FLVCR2: variants seen among roughly 807,000 people sequenced by gnomAD.
FLVCR2 encodes the protein FLVCR choline and putative heme transporter 2.
In FLVCR2, 38 loss-of-function variants were observed where a neutral mutation model predicts 48.9. The ratio of observed to expected loss-of-function variants is 0.78; its 90% CI spans 0.60 to 1.02. FLVCR2 has a LOEUF of 1.02. FLVCR2 is among the 50% of genes least tolerant of loss of function. The pLI, the probability that FLVCR2 is intolerant of heterozygous loss-of-function variation, is 0.00. For synonymous variants in FLVCR2, 255 were observed against 257.0 expected, an observed-to-expected ratio of 0.99 and a Z score of 0.07; for missense variants, 664 against 663.3, an observed-to-expected ratio of 1.00 and a Z score of -0.01.
chr14:75,588,504 TAG>T (rs1888804193), intron 1 of FLVCR2, among the ~76,000 whole-genome samples: 1 of 152,162 alleles, frequency 6.6e-6, no homozygotes, highest in East Asian at 1.9e-4. Context: ...TGTTTTGAGA[TAG>T]AGTCTCATTC....
At chr14:75,644,310 T>C (rs1233715200) in intron 9 of FLVCR2, among the ~76,000 whole-genome samples, 3 of 152,234 alleles carry the variant, frequency 2.0e-5, no homozygotes, top group African/African-American at 7.2e-5. Context: ...TTTTCTACCC[T>C]GCTTACTTAG....
rs141648705 is a variant in FLVCR2, at chr14:75,618,745, C to T, written c.670-3334C>T. Among the ~76,000 whole-genome samples, 138 of 152,306 alleles carry T rather than the reference C, an allele frequency of 9.1e-4. 3 individuals are homozygous for T. In the East Asian group the frequency reaches 0.026, roughly 28 times the overall value. The stretch of plus-strand genomic sequence containing the variant: ...CCAAATGGGTGAAAATGTAGACTTC[C>T]GTGTTGACTAGTATCACACCAACAT... On this transcript the variant is annotated intron_variant, in intron 1 of 9. Transcript: ENST00000238667.
At chr14:75,631,715 G>A (rs1441482232) in intron 3 of FLVCR2, 3 of 454,966 alleles carry the variant, frequency 6.6e-6, no homozygotes, top group South Asian at 4.7e-5. Flanking sequence ...TGGGAAGACG[G>A]GAGGAGACTA....
chr14:75,636,305 C>A (rs1890165854), intron 5 of FLVCR2, among the ~76,000 whole-genome samples: 1 of 152,100 alleles, frequency 6.6e-6, no homozygotes, highest in Non-Finnish European at 1.5e-5. Context: ...TGAGACCATC[C>A]CTAGGGAGGT....
intron 7 of FLVCR2, 38 bp from the exon 8 acceptor site, chr14:75,641,143 AC>A: frequency 6.4e-7 from 1 of 1,559,088 alleles, no homozygotes; most frequent in African/African-American, 1.4e-5. Context: ...GAGTTAGTTG[AC>A]TGGGCCCTTG....
chr14:75,584,609 T>C (rs1046881646), intron 1 of FLVCR2, among the ~76,000 whole-genome samples: 19 of 152,206 alleles, frequency 1.2e-4, no homozygotes, highest in African/African-American at 4.1e-4. Context: ...CTCACCTATC[T>C]ATACCTGGGG....
intron 3 of FLVCR2, among the ~76,000 whole-genome samples, chr14:75,626,082 C>T (rs1031798321): frequency 9.9e-5 from 15 of 152,166 alleles, no homozygotes; most frequent in Admixed American, 7.9e-4. Context: ...GCCTCTGCCT[C>T]CCCGGCTCAA....
intron 3 of FLVCR2, among the ~76,000 whole-genome samples, chr14:75,631,226 C>T (rs1890030227): frequency 6.6e-6 from 1 of 152,214 alleles, no homozygotes; most frequent in South Asian, 2.1e-4. Flanking sequence ...AGTCTGCTGT[C>T]TGGCCTGGAG....
At chr14:75,620,736 G>A (rs2140036351) in intron 1 of FLVCR2, among the ~76,000 whole-genome samples, 1 of 152,328 alleles carries the variant, frequency 6.6e-6, no homozygotes, top group South Asian at 2.1e-4. Flanking sequence ...CAGCAACTAT[G>A]AGTGACCACT....
In FLVCR2 at chr14:75,584,192, G is replaced by A. The variant is rs186568266; in HGVS notation, c.669+4551G>A. Among the ~76,000 whole-genome samples, 302 of 152,344 alleles carry A rather than the reference G, an allele frequency of 2.0e-3. 1 individual carries two copies. The highest frequency in any genetic ancestry group is 6.3e-3 in the African/African-American group (260 of 41,578). On this transcript the variant is annotated intron_variant, in intron 1 of 9. Coordinates refer to ENST00000238667, the MANE Select transcript of FLVCR2 (RefSeq NM_017791.3). ...TGCCCCTGGGAGCTGTGGCTTGGAT[G>A]TTCTGAAGGTTTTGTATGCTGGAGA...
At chr14:75,622,243 G>A in intron 2 of FLVCR2, 23 bp downstream of exon 2, 1 of 1,613,080 alleles carries the variant, frequency 6.2e-7, no homozygotes, top group Non-Finnish European at 8.5e-7. Flanking sequence ...GTAAACAGAT[G>A]GGGTAGCAGG....
At chr14:75,644,407 G>T (rs1297932226) in intron 9 of FLVCR2, among the ~76,000 whole-genome samples, 1 of 152,130 alleles carries the variant, frequency 6.6e-6, no homozygotes, top group East Asian at 1.9e-4. Context: ...TATTTCAGTT[G>T]TTCCACTATT....
At chr14:75,579,841 A>C (rs1457548388) in intron 1 of FLVCR2, among the ~76,000 whole-genome samples, 200 bp downstream of exon 1, 2 of 152,204 alleles carry the variant, frequency 1.3e-5, no homozygotes, top group South Asian at 4.1e-4. Context: ...TTTCATCCAC[A>C]GTTGCTCTTG....
rs78484951 is a variant in FLVCR2 at position 75,580,532 on chromosome 14, A to C, written c.669+891A>C. 5.9e-4 allele frequency among the ~76,000 whole-genome samples: 90 copies of C among 152,372 alleles called. 2 individuals carry two copies. The East Asian group carries it at 0.013, about 22-fold the overall frequency. On this transcript the variant is annotated intron_variant, in intron 1 of 9. Transcript: ENST00000238667. ...CGTCCATGTGAAGAGACCACCAAAC[A>C]GGCTTTGTGTGAGCAACAAGGCTGT...
intron 3 of FLVCR2, among the ~76,000 whole-genome samples, chr14:75,626,732 A>C (rs1414304551): frequency 6.6e-6 from 1 of 151,972 alleles, no homozygotes; most frequent in Non-Finnish European, 1.5e-5. Flanking sequence ...AAAGATGGAT[A>C]GTGAAACCAG....
Position 75,635,014 on chromosome 14 carries a change from G to A in FLVCR2, c.1124+1G>A. ...GGCTGGATAGGTCCAAAACCTACAA[G>A]TAAGTGACTCATCCTCTTGGACTGA... On this transcript the variant is annotated splice_donor_variant, in intron 5 of 9. Transcript: ENST00000238667. LOFTEE classifies it high-confidence loss of function. 3 of 1,586,004 alleles carry A rather than the reference G, an allele frequency of 1.9e-6. No individual in the cohort carries two copies. Among genetic ancestry groups the A allele is most frequent in the South Asian group, 2.2e-5 (2 of 90,448 alleles).
intron 1 of FLVCR2, among the ~76,000 whole-genome samples, chr14:75,618,048 C>T (rs1889659465): frequency 6.6e-6 from 1 of 152,180 alleles, no homozygotes; most frequent in Admixed American, 6.5e-5. Flanking sequence ...AAGGGTCAGA[C>T]CATTAGACAG....
intron 1 of FLVCR2, among the ~76,000 whole-genome samples, chr14:75,619,934 A>C (rs556356695): frequency 2.0e-5 from 3 of 152,334 alleles, no homozygotes; most frequent in South Asian, 4.1e-4. Flanking sequence ...AATGGGGCAG[A>C]AGATTAACTG....
At chr14:75,586,423 G>C (rs1314266188) in intron 1 of FLVCR2, among the ~76,000 whole-genome samples, 7 of 152,178 alleles carry the variant, frequency 4.6e-5, no homozygotes, top group Non-Finnish European at 7.3e-5. Context: ...ATCTTCAGTT[G>C]CTTCAGGCGA....
Sources: allele counts gnomAD v4.1 joint callset (sites outside exome capture counted in the v4.1 genomes callset), GRCh38; gene constraint gnomAD v4.1.1; transcripts MANE v1.5; gene names NCBI Gene and HGNC (gene_info 2026-07-23, HGNC 2026-07-21).